ADK: variants seen among roughly 807,000 people sequenced by gnomAD.
The protein encoded by ADK is adenosine kinase.
In ADK, 24 loss-of-function variants were observed where a neutral mutation model predicts 44.7. The observed-to-expected ratio is 0.54, with a 90% CI of 0.39 to 0.76. ADK has a LOEUF of 0.76. ADK is among the 30% of genes least tolerant of loss of function. The pLI is 0.00. For synonymous variants in ADK, 128 were observed against 142.6 expected (o/e 0.90, Z 0.73); for missense variants, 321 against 425.1 (o/e 0.76, Z 2.15).
At chr10:74,342,624 C>T (rs1387434855) in intron 4 of ADK, among the ~76,000 whole-genome samples, 1 of 152,136 alleles carries the variant, frequency 6.6e-6, no homozygotes, top group Non-Finnish European at 1.5e-5. Context: ...TAGACATGCA[C>T]CACCATGCCT....
At chr10:74,490,322 T>C (rs1055108962) in intron 6 of ADK, among the ~76,000 whole-genome samples, 1 of 152,114 alleles carries the variant, frequency 6.6e-6, no homozygotes, top group Non-Finnish European at 1.5e-5. Context: ...GTCCAACATA[T>C]GGTAATGTGT....
chr10:74,598,012 A>T (rs914154986), intron 8 of ADK, among the ~76,000 whole-genome samples: 40 of 152,176 alleles, frequency 2.6e-4, no homozygotes, highest in African/African-American at 9.7e-4. Flanking sequence ...ATTTTTGCCC[A>T]CTAATCTTAG....
chr10:74,202,367 T>C (rs1263687947), intron 2 of ADK, among the ~76,000 whole-genome samples: 1 of 152,232 alleles, frequency 6.6e-6, no homozygotes, highest in Non-Finnish European at 1.5e-5. Flanking sequence ...CATTGGTTGA[T>C]GGACACTTAT....
At chr10:74,351,179 A>G (rs1032617860) in intron 4 of ADK, among the ~76,000 whole-genome samples, 9 of 152,226 alleles carry the variant, frequency 5.9e-5, no homozygotes, top group African/African-American at 1.7e-4. Flanking sequence ...AAAATCCTCA[A>G]TAAAATGCTG....
chr10:74,411,056 C>G (rs1001566835), intron 6 of ADK, among the ~76,000 whole-genome samples: 1 of 152,134 alleles, frequency 6.6e-6, no homozygotes, highest in African/African-American at 2.4e-5. Flanking sequence ...AATCGATGAT[C>G]ACCATATGAC....
intron 9 of ADK, among the ~76,000 whole-genome samples, chr10:74,667,935 T>C (rs1367313505): frequency 6.6e-6 from 1 of 152,202 alleles, no homozygotes; most frequent in African/African-American, 2.4e-5. Context: ...TGAATAATTG[T>C]TTTCAAACGA....
intron 10 of ADK, among the ~76,000 whole-genome samples, chr10:74,705,209 T>C (rs954144401): frequency 6.6e-6 from 1 of 152,210 alleles, no homozygotes; most frequent in Non-Finnish European, 1.5e-5. Context: ...GCCCAGGGCC[T>C]CAGGGAAGGC....
chr10:74,655,374 A>G, intron 9 of ADK: 1 of 412,398 alleles, frequency 2.4e-6, no homozygotes, highest in Non-Finnish European at 4.8e-6. Flanking sequence ...GTCCACATCA[A>G]AAAAGAGAAG....
At chr10:74,580,670 C>G (rs1417776207) in intron 7 of ADK, among the ~76,000 whole-genome samples, 1 of 152,054 alleles carries the variant, frequency 6.6e-6, no homozygotes, top group Non-Finnish European at 1.5e-5. Context: ...TGCCTTCTGC[C>G]ATGATTGTGA....
At chr10:74,300,940 T>C (rs562654270) in intron 3 of ADK, among the ~76,000 whole-genome samples, 50 of 152,298 alleles carry the variant, frequency 3.3e-4, no homozygotes, top group African/African-American at 1.1e-3. Context: ...TATTTCAAAA[T>C]CCATCTAACA....
intron 3 of ADK, among the ~76,000 whole-genome samples, chr10:74,276,829 CTCT>C (rs1323753142): frequency 0.01 from 1,584 of 152,106 alleles, 28 homozygotes; most frequent in African/African-American, 0.036. Flanking sequence ...TTAAATTGAT[CTCT>C]TTTGTACCTT....
intron 6 of ADK, among the ~76,000 whole-genome samples, chr10:74,412,630 C>T (rs1013689028): frequency 1.3e-5 from 2 of 152,132 alleles, no homozygotes; most frequent in Admixed American, 6.6e-5. Flanking sequence ...TTTTAGCAGC[C>T]GTGAAAACAA....
intron 10 of ADK, among the ~76,000 whole-genome samples, chr10:74,671,973 CT>C (rs1855205173): frequency 6.6e-6 from 1 of 152,124 alleles, no homozygotes; most frequent in African/African-American, 2.4e-5. Context: ...AACATGTAGA[CT>C]TTTTGAGGGA....
At chr10:74,211,276 A>G (rs1302349131) in intron 2 of ADK, among the ~76,000 whole-genome samples, 2 of 152,326 alleles carry the variant, frequency 1.3e-5, no homozygotes, top group East Asian at 3.9e-4. Context: ...ATTGACCTGA[A>G]TATTCTGTCT....
chr10:74,215,086 C>T (rs1224770356), intron 2 of ADK, among the ~76,000 whole-genome samples: 5 of 152,038 alleles, frequency 3.3e-5, no homozygotes, highest in Non-Finnish European at 5.9e-5. Context: ...CTTGCTTCCC[C>T]GTCTTCTATT....
Position 74,558,968 on chromosome 10 carries a change from AT to A in ADK, c.727-30311del, listed in dbSNP as rs570424579. ...CTTTGAAGTAAACAGAAGCTGAAACATTTGAATGTTTGATTTTCATGATCCA... is the reference window on the plus strand; with the variant it reads ...CTTTGAAGTAAACAGAAGCTGAAACATTGAATGTTTGATTTTCATGATCCA... On this transcript the variant is annotated intron_variant, in intron 7 of 10. Transcript: ENST00000539909. Among the ~76,000 whole-genome samples, 146 of 152,346 alleles carry A rather than the reference AT, an allele frequency of 9.6e-4. No homozygotes were observed. In the Middle Eastern group the frequency reaches 0.014, roughly 14 times the overall value.
At chr10:74,326,044 A>G (rs1341951981) in intron 4 of ADK, among the ~76,000 whole-genome samples, 3 of 152,126 alleles carry the variant, frequency 2.0e-5, no homozygotes, top group Non-Finnish European at 4.4e-5. Flanking sequence ...CATGTTGGCC[A>G]GGGTGGTCTT....
chr10:74,195,957 G>A (rs1182661732), intron 1 of ADK, among the ~76,000 whole-genome samples: 1 of 151,836 alleles, frequency 6.6e-6, no homozygotes, highest in Non-Finnish European at 1.5e-5. Context: ...GATTACAGGT[G>A]TGAGCCACTG....
At chr10:74,660,907 C>T (rs897109212) in intron 9 of ADK, among the ~76,000 whole-genome samples, 28 of 151,786 alleles carry the variant, frequency 1.8e-4, no homozygotes, top group African/African-American at 6.6e-4. Flanking sequence ...TGGCACGCAC[C>T]TGCTGTCCCA....
Sources: gnomAD v4.1 joint callset for allele counts (sites outside exome capture counted in the v4.1 genomes callset) on GRCh38, gnomAD v4.1.1 for gene constraint, MANE v1.5 for transcripts, NCBI Gene and HGNC (gene_info 2026-07-23, HGNC 2026-07-21) for gene names.